The following ATF2 variants were observed in gnomAD, a reference collection of about 807,000 sequenced individuals.
ATF2 encodes activating transcription factor 2.
A neutral mutation model predicts 60.6 loss-of-function variants in ATF2; 24 were observed. The observed-to-expected ratio is 0.40, with a 90% confidence interval of 0.29 to 0.56. ATF2 has a LOEUF of 0.56. ATF2 is among the 20% of genes least tolerant of loss of function. ATF2 has a pLI of 0.54. For synonymous variants in ATF2, 206 were observed against 215.4 expected, an observed-to-expected ratio of 0.96 and a Z score of 0.38; for missense variants, 433 against 607.7, an observed-to-expected ratio of 0.71 and a Z score of 3.02.
At chr2:175,078,153 T>G (rs182448493) in intron 13 of ATF2, among the ~76,000 whole-genome samples, 1 of 152,230 alleles carries the variant, frequency 6.6e-6, no homozygotes, top group Non-Finnish European at 1.5e-5. Context: ...TTATTTTTTG[T>G]AGAGATGGGG....
At chr2:175,141,149 C>G (rs1698511505) in intron 2 of ATF2, among the ~76,000 whole-genome samples, 1 of 149,196 alleles carries the variant, frequency 6.7e-6, no homozygotes, top group South Asian at 2.1e-4. Context: ...AACCTTCCTG[C>G]CATAGCTGCA....
chr2:175,161,910 G>A (rs145221744), intron 1 of ATF2, among the ~76,000 whole-genome samples: 166 of 152,054 alleles, frequency 1.1e-3, no homozygotes, highest in African/African-American at 3.5e-3. Flanking sequence ...ACAGGCACCC[G>A]CCATCATGCC....
At chr2:175,153,547 T>C (rs1039376260) in intron 1 of ATF2, among the ~76,000 whole-genome samples, 1 of 151,996 alleles carries the variant, frequency 6.6e-6, no homozygotes, top group African/African-American at 2.4e-5. Flanking sequence ...TTAGGCTGGG[T>C]GCTGTGGCTC....
At chr2:175,167,426 A>C (rs1478953417) in intron 1 of ATF2, among the ~76,000 whole-genome samples, 2 of 151,926 alleles carry the variant, frequency 1.3e-5, no homozygotes, top group Non-Finnish European at 2.9e-5. Flanking sequence ...AGGGTGGCGG[A>C]AAGGACGGAA....
At chr2:175,087,281 T>A (rs1010953216) in intron 12 of ATF2, among the ~76,000 whole-genome samples, 4 of 152,170 alleles carry the variant, frequency 2.6e-5, no homozygotes, top group Admixed American at 2.0e-4. Flanking sequence ...CCCATTCAAA[T>A]GTGAGAAATC....
At chr2:175,081,147 C>T (rs890697609) in intron 12 of ATF2, among the ~76,000 whole-genome samples, 3 of 152,042 alleles carry the variant, frequency 2.0e-5, no homozygotes, top group African/African-American at 7.2e-5. Context: ...TGATTCCATT[C>T]ACCTAAAAAT....
intron 3 of ATF2, among the ~76,000 whole-genome samples, chr2:175,134,477 G>A (rs1161493786): frequency 6.6e-6 from 1 of 150,768 alleles, no homozygotes; most frequent in African/African-American, 2.4e-5. Context: ...AAACCAGTAA[G>A]GGCTTGACAG....
chr2:175,149,543 T>C (rs77855573), intron 2 of ATF2, among the ~76,000 whole-genome samples: 1 of 151,756 alleles, frequency 6.6e-6, no homozygotes, highest in African/African-American at 2.4e-5. Flanking sequence ...AAATAAGAGG[T>C]AAATCTAAAC....
chr2:175,077,886 A>G (rs970330720), intron 13 of ATF2, among the ~76,000 whole-genome samples: 6 of 152,174 alleles, frequency 3.9e-5, no homozygotes, highest in Non-Finnish European at 7.4e-5. Flanking sequence ...GTACTCAAAG[A>G]GCCACTTCCA....
chr2:175,102,749 C>CA (rs1270754074), intron 10 of ATF2, among the ~76,000 whole-genome samples: 4 of 127,988 alleles, frequency 3.1e-5, no homozygotes, highest in Non-Finnish European at 4.9e-5. Context: ...GACCCTGACT[C>CA]AAAAAAAAGA....
At chr2:175,145,922 G>A (rs1698914382) in intron 2 of ATF2, among the ~76,000 whole-genome samples, 1 of 152,022 alleles carries the variant, frequency 6.6e-6, no homozygotes, top group African/African-American at 2.4e-5. Flanking sequence ...TAAGAAATAG[G>A]ATATTTATAT....
At chr2:175,104,657 C>G (rs1411478193) in intron 10 of ATF2, among the ~76,000 whole-genome samples, 1 of 152,120 alleles carries the variant, frequency 6.6e-6, no homozygotes. Flanking sequence ...CACTGGGATA[C>G]GAACCCATCT....
chr2:175,099,556 C>G (rs1341343269), intron 10 of ATF2, among the ~76,000 whole-genome samples: 2 of 152,190 alleles, frequency 1.3e-5, no homozygotes, highest in Non-Finnish European at 2.9e-5. Context: ...TTTCTGATCC[C>G]AAGAGTTTTG....
chr2:175,108,862 A>G (rs1485993637), intron 10 of ATF2, among the ~76,000 whole-genome samples: 1 of 152,196 alleles, frequency 6.6e-6, no homozygotes, highest in Non-Finnish European at 1.5e-5. Context: ...CTGTTGATCT[A>G]TGACCTTACC....
chr2:175,084,928 A>C (rs1694048741), intron 12 of ATF2, among the ~76,000 whole-genome samples: 1 of 152,186 alleles, frequency 6.6e-6, no homozygotes, highest in African/African-American at 2.4e-5. Flanking sequence ...ACGTAATTCT[A>C]TGTCTAGGAG....
At chr2:175,107,359 C>G (rs1212689680) in intron 10 of ATF2, among the ~76,000 whole-genome samples, 1 of 152,080 alleles carries the variant, frequency 6.6e-6, no homozygotes, top group Non-Finnish European at 1.5e-5. Context: ...AAAGGTTTAG[C>G]AATTTCTTAT....
chr2:175,107,883 G>A (rs1027425760), intron 10 of ATF2, among the ~76,000 whole-genome samples: 4 of 152,224 alleles, frequency 2.6e-5, no homozygotes, highest in African/African-American at 9.6e-5. Flanking sequence ...AAGGTGCTCA[G>A]GCTGGAGTGC....
At chr2:175,161,466 T>G (rs1700024273) in intron 1 of ATF2, among the ~76,000 whole-genome samples, 1 of 152,240 alleles carries the variant, frequency 6.6e-6, no homozygotes, top group Non-Finnish European at 1.5e-5. Context: ...AGTTAAATTA[T>G]TCTCCTTAAA....
Position 175,073,689 on chromosome 2 carries a change from A to G in ATF2, c.*920T>C, listed in dbSNP as rs1316929113. ...AACAGTCTTAAATTTTCTAAGTAGT[A>G]ATTTTAGGCTTTTCTGGCAACCATA... is the stretch of plus-strand genomic sequence containing the variant. On this transcript the variant is annotated 3_prime_UTR_variant, in exon 14 of 14. Coordinates refer to ENST00000264110, the MANE Select transcript of ATF2 (RefSeq NM_001880.4). 6.6e-6 allele frequency: 1 copy of G among 152,158 alleles called. No homozygotes were observed. Among genetic ancestry groups the G allele is most frequent in the African/African-American group, 2.4e-5 (1 of 41,442 alleles). 9.4% of individuals were successfully genotyped at this position (152,158 alleles called of 1,614,324 possible). A position where few individuals can be genotyped will look rare whatever the true frequency, so the allele number is the denominator to read the frequency against.
Sources: gnomAD v4.1 joint callset for allele counts (sites outside exome capture counted in the v4.1 genomes callset) on GRCh38, gnomAD v4.1.1 for gene constraint, MANE v1.5 for transcripts, NCBI Gene and HGNC (gene_info 2026-07-23, HGNC 2026-07-21) for gene names.